Variants in CYP4V2 observed in about 807,000 individuals in gnomAD.
CYP4V2 encodes the protein cytochrome P450 family 4 subfamily V member 2.
In CYP4V2, 55 loss-of-function variants were observed where a neutral mutation model predicts 60.8. The observed-to-expected ratio is 0.90, with a 90% CI of 0.73 to 1.13. The LOEUF is 1.13. Among genes scored for constraint, CYP4V2 ranks in the 50% most tolerant of loss-of-function variants. The probability of loss-of-function intolerance (pLI) is 0.00; values close to 1 mark genes in which losing one functional copy is unlikely to be tolerated. For missense variants in CYP4V2, 675 were observed against 662.9 expected, an observed-to-expected ratio of 1.02 and a Z score of -0.20; for synonymous variants, 239 against 236.8, an observed-to-expected ratio of 1.01 and a Z score of -0.08.
intron 8 of CYP4V2, among the ~76,000 whole-genome samples, chr4:186,207,224 C>A (rs1736536554): frequency 6.6e-6 from 1 of 151,840 alleles, no homozygotes; most frequent in African/African-American, 2.4e-5. Flanking sequence ...CTGGCTAACA[C>A]AGTGAAACCC....
In CYP4V2 at chr4:186,213,250, T is replaced by C. The variant is rs924856164; in HGVS notation, c.*2609T>C. 6.6e-6 allele frequency: 1 copy of C among 152,254 alleles called. No individual in the cohort carries two copies. Among genetic ancestry groups the C allele is most frequent in the East Asian group, 1.9e-4 (1 of 5,200 alleles). 9.4% of individuals were successfully genotyped at this position (152,254 alleles called of 1,614,324 possible). A position where few individuals can be genotyped will look rare whatever the true frequency, so the allele number is the denominator to read the frequency against. On this transcript the variant is annotated 3_prime_UTR_variant, in exon 11 of 11. Transcript: ENST00000378802. ...ACAGTATTGAAATGTGGATGCTGCC[T>C]TGTTTTATAAGAAGATGATCAAGGT...
intron 8 of CYP4V2, among the ~76,000 whole-genome samples, chr4:186,207,587 T>A (rs201706705): frequency 1.2e-4 from 7 of 58,330 alleles, no homozygotes; most frequent in South Asian, 1.1e-3. Context: ...TAATTAATAA[T>A]TAATACTTTG....
At chr4:186,208,622 C>T (rs979691176) in intron 8 of CYP4V2, among the ~76,000 whole-genome samples, 10 of 151,660 alleles carry the variant, frequency 6.6e-5, no homozygotes, top group African/African-American at 2.4e-4. Flanking sequence ...CCTTGGTCCA[C>T]GTGTTTTTCT....
At chr4:186,209,395 T>C in intron 10 of CYP4V2, 123 bp downstream of exon 10, 2 of 1,239,496 alleles carry the variant, frequency 1.6e-6, no homozygotes, top group Non-Finnish European at 1.2e-6. Context: ...AAAAAATAGG[T>C]GGTTTCTTTT....
chr4:186,198,335 A>G (rs1305854251), intron 5 of CYP4V2, among the ~76,000 whole-genome samples: 1 of 152,256 alleles, frequency 6.6e-6, no homozygotes, highest in Non-Finnish European at 1.5e-5. Context: ...ATGAACTGTA[A>G]TAATTGCTCA....
rs1736789630 is a variant in CYP4V2, at chr4:186,213,356, T to C, written c.*2715T>C. ...TCTATTTTAGATGCAGGTACTGCAT[T>C]TTATTCTAAGAATTGATATCAATTC... is the stretch of plus-strand genomic sequence containing the variant. On this transcript the variant is annotated 3_prime_UTR_variant, in exon 11 of 11. Transcript: ENST00000378802. The C allele has an allele frequency of 6.6e-6, 1 of 152,252 alleles. No homozygotes were observed. The highest frequency in any genetic ancestry group is 1.5e-5 in the Non-Finnish European group (1 of 68,044). 9.4% of individuals were successfully genotyped at this position (152,252 alleles called of 1,614,324 possible). A position where few individuals can be genotyped will look rare whatever the true frequency, so the allele number is the denominator to read the frequency against.
In CYP4V2 at chr4:186,208,998, G is replaced by A. The variant is rs1233086695; in HGVS notation, c.1224G>A (p.Val408=). Residue 408 remains valine, a splice_region_variant and synonymous_variant, in exon 9 of 11, where the codon GTG becomes GTA. Transcript: ENST00000378802. ...FARSVSEDCE[V]AGYRVLKGTE... is the part of the protein sequence containing the mutation. ...GTAGTGTTAGTGAAGATTGTGAAGT[G>A]GGTAAGTATGCTATACCTAAAGTAG... is the stretch of plus-strand genomic sequence containing the variant. 1.2e-6 allele frequency: 2 copies of A among 1,614,044 alleles called. No individual in the cohort carries two copies. Among genetic ancestry groups the A allele is most frequent in the African/African-American group, 1.3e-5 (1 of 74,912 alleles).
intron 10 of CYP4V2, 67 bp from the exon 11 acceptor site, chr4:186,210,402 G>A (rs1736671918): frequency 6.2e-7 from 1 of 1,605,458 alleles, no homozygotes. Flanking sequence ...CCTATGACAG[G>A]ACCTCTTGTT....
rs2126603505 is a variant in CYP4V2, at chr4:186,210,491, A to G, written c.1428A>G (p.Glu476=). The part of the protein sequence containing the change: ...NCIGQKFAVM[E]EKTILSCILR... ...AAGGTCAAAAGTTTGCTGTGATGGA[A>G]GAAAAGACCATTCTTTCGTGCATCC... The change falls in exon 11 of 11, where the codon GAA becomes GAG. Residue 476 remains glutamate, a synonymous_variant. Transcript: ENST00000378802. 6.2e-7 allele frequency: 1 copy of G among 1,614,184 alleles called. No homozygotes were observed. The highest frequency in any genetic ancestry group is 8.5e-7 in the Non-Finnish European group (1 of 1,180,020).
At chr4:186,204,374 G>C (rs1393829263) in intron 7 of CYP4V2, 1 of 175,624 alleles carries the variant, frequency 5.7e-6, no homozygotes, top group Non-Finnish European at 1.3e-5. Flanking sequence ...AAGAGGCGGC[G>C]GTGGAGGCGC....
intron 5 of CYP4V2, among the ~76,000 whole-genome samples, chr4:186,198,008 G>C (rs753273923): frequency 6.6e-6 from 1 of 152,134 alleles, no homozygotes; most frequent in Non-Finnish European, 1.5e-5. Flanking sequence ...TCTCATTCTT[G>C]TGCTTTCCTT....
rs1232790585 is a variant in CYP4V2, at chr4:186,195,703, A to T, written c.328-300A>T. On this transcript the variant is annotated intron_variant, in intron 2 of 10. Coordinates refer to ENST00000378802, the MANE Select transcript of CYP4V2 (RefSeq NM_207352.4). This position sits in a 1 kb window ranked among gnomAD's most constrained non-coding sequence, Gnocchi z 4.1. ...CTCCAGATTCGCCTCCTCCCACCTCACTGTCCCCCTCCCCACATTAAATAA... is the reference window on the plus strand; with the variant it reads ...CTCCAGATTCGCCTCCTCCCACCTCTCTGTCCCCCTCCCCACATTAAATAA... Among the ~76,000 whole-genome samples, 1 of 151,572 alleles carries T rather than the reference A, an allele frequency of 6.6e-6. No homozygotes were observed. The highest frequency in any genetic ancestry group is 2.4e-5 in the African/African-American group (1 of 41,260).
At position 186,196,094 on chromosome 4, in the gene CYP4V2, C is replaced by T. The variant is rs1157927264; in HGVS notation, c.413+6C>T. ...GGCCTAGGACTTCTTACAAGGTATGCCAGTGTACCTTTGTAAAGCTGTCTA... is the reference window on the plus strand; with the variant it reads ...GGCCTAGGACTTCTTACAAGGTATGTCAGTGTACCTTTGTAAAGCTGTCTA... On this transcript the variant is annotated splice_donor_region_variant and intron_variant, in intron 3 of 10. Coordinates refer to ENST00000378802, the MANE Select transcript of CYP4V2 (RefSeq NM_207352.4). 6.2e-7 allele frequency: 1 copy of T among 1,607,930 alleles called. No individual in the cohort carries two copies. The highest frequency in any genetic ancestry group is 8.5e-7 in the Non-Finnish European group (1 of 1,174,346).
chr4:186,194,757 A>G (rs937588379), intron 2 of CYP4V2, 145 bp downstream of exon 2: 2 of 730,124 alleles, frequency 2.7e-6, no homozygotes, highest in African/African-American at 3.5e-5. Flanking sequence ...TATAGGTGCA[A>G]TTTAATGCTT....
chr4:186,197,696 TTTC>T, intron 5 of CYP4V2, 94 bp downstream of exon 5: 1 of 1,350,510 alleles, frequency 7.4e-7, no homozygotes, highest in South Asian at 1.2e-5. Context: ...CTTTTTATGG[TTTC>T]AAAATTAAAC....
chr4:186,194,327 C>G (rs1235953354), intron 1 of CYP4V2, among the ~76,000 whole-genome samples, 173 bp from the exon 2 acceptor site: 1 of 152,174 alleles, frequency 6.6e-6, no homozygotes, highest in Non-Finnish European at 1.5e-5. Context: ...TTTAGACTTA[C>G]AGAAAAGTTG....
intron 5 of CYP4V2, 25 bp from the exon 6 acceptor site, chr4:186,198,932 T>C (rs756835076): frequency 1.9e-6 from 3 of 1,613,890 alleles, no homozygotes; most frequent in South Asian, 2.2e-5. Context: ...ATACAACAGC[T>C]GATGTATTTT....
rs1221322113 is a variant in CYP4V2 at position 186,191,998 on chromosome 4, C to T, written c.175C>T (p.Leu59=). 1 of 1,584,992 alleles carries T rather than the reference C, an allele frequency of 6.3e-7. No homozygotes were observed. Among genetic ancestry groups the T allele is most frequent in the Admixed American group, 1.8e-5 (1 of 57,108 alleles). ...CCCCACGGTGGCCCGCGCCTACCCA[C>T]TGGTGGGCCACGCGCTGCTGATGAA... ...PIPTVARAYP[L]VGHALLMKPD... Residue 59 remains leucine (L), a synonymous_variant, in exon 1 of 11, where the codon CTG becomes TTG. Transcript: ENST00000378802.
chr4:186,196,425 A>T, intron 3 of CYP4V2: 4 of 359,506 alleles, frequency 1.1e-5, no homozygotes, highest in South Asian at 1.1e-4. Context: ...TTGAAAATCC[A>T]ATCAAAAAGA....
Sources: gnomAD v4.1 joint callset for allele counts (sites outside exome capture counted in the v4.1 genomes callset) on GRCh38, gnomAD v4.1.1 for gene constraint, Gnocchi (gnomAD v3.1) non-coding constraint, MANE v1.5 for transcripts, NCBI Gene and HGNC (gene_info 2026-07-23, HGNC 2026-07-21) for gene names.